LHFPL3: variants seen among roughly 807,000 people sequenced by gnomAD.
LHFPL3 encodes the protein LHFPL tetraspan subfamily member 3.
Under a neutral mutation model 19.3 loss-of-function variants are expected in LHFPL3, and 5 were observed. The ratio of observed to expected loss-of-function variants is 0.26; its 90% confidence interval spans 0.14 to 0.54. The LOEUF (loss-of-function observed/expected upper bound fraction) is 0.54, where lower values mean the gene tolerates loss of function less well. Ranked by LOEUF, LHFPL3 falls within the 20% of genes least tolerant of loss-of-function variation. The pLI is 0.94. For missense variants in LHFPL3, 249 were observed against 307.4 expected (o/e 0.81, Z 1.42); for synonymous variants, 133 against 126.2 (o/e 1.05, Z -0.36).
intron 2 of LHFPL3, among the ~76,000 whole-genome samples, chr7:104,869,778 A>G (rs971970457): frequency 3.3e-5 from 5 of 152,240 alleles, no homozygotes; most frequent in African/African-American, 9.6e-5. Context: ...GCTGCTATAA[A>G]GACACATGCA....
At chr7:104,509,546 A>T (rs1793769759) in intron 1 of LHFPL3, among the ~76,000 whole-genome samples, 1 of 147,974 alleles carries the variant, frequency 6.8e-6, no homozygotes, top group African/African-American at 2.5e-5. Flanking sequence ...TTCATGGTCT[A>T]AAAAAAAAAT....
chr7:104,772,469 C>T (rs1414535329), intron 2 of LHFPL3, among the ~76,000 whole-genome samples: 2 of 152,164 alleles, frequency 1.3e-5, no homozygotes, highest in Non-Finnish European at 2.9e-5. Flanking sequence ...GCTCCGACTG[C>T]CTCCTCCACC....
chr7:104,695,565 G>GA (rs1210381560), intron 1 of LHFPL3, among the ~76,000 whole-genome samples: 4 of 152,184 alleles, frequency 2.6e-5, no homozygotes, highest in Admixed American at 2.6e-4. Flanking sequence ...AAGCTGCTGA[G>GA]ACTAAAAAAC....
In LHFPL3 at chr7:104,329,302, G is replaced by A. The variant is rs530126685; in HGVS notation, c.445+78G>A. Reference sequence around the variant, plus strand: ...GGGGAGGGGCCAGAGTGGGAGGGACGGGGGCTGTGCGCGCCGCTGCGAGCC... The same window carrying A: ...GGGGAGGGGCCAGAGTGGGAGGGACAGGGGCTGTGCGCGCCGCTGCGAGCC... On this transcript the variant is annotated intron_variant, in intron 1 of 2. Transcript: ENST00000424859. 221 of 1,488,832 alleles carry A rather than the reference G, an allele frequency of 1.5e-4. 2 individuals are homozygous for A. The African/African-American group carries it at 2.7e-3, about 18-fold the overall frequency. The allele number at this position is 1,488,832 out of a possible 1,614,324, so 92.2% of individuals were successfully genotyped here. A position where few individuals can be genotyped will look rare whatever the true frequency, so the allele number is the denominator to read the frequency against.
intron 1 of LHFPL3, among the ~76,000 whole-genome samples, chr7:104,526,065 A>G (rs564709913): frequency 1.9e-4 from 29 of 152,170 alleles, no homozygotes; most frequent in African/African-American, 6.5e-4. Flanking sequence ...CCCAGAGTCT[A>G]TTTATCAATT....
intron 1 of LHFPL3, among the ~76,000 whole-genome samples, chr7:104,542,280 C>G (rs1794500294): frequency 6.6e-6 from 1 of 151,974 alleles, no homozygotes; most frequent in Non-Finnish European, 1.5e-5. Context: ...CCTTATTTAA[C>G]TTTGACTTTG....
At chr7:104,645,881 C>T (rs560425116) in intron 1 of LHFPL3, among the ~76,000 whole-genome samples, 21 of 152,016 alleles carry the variant, frequency 1.4e-4, no homozygotes, top group Middle Eastern at 3.4e-3. Context: ...AGGATGGTCT[C>T]GATCTTCTGA....
chr7:104,535,916 C>T (rs1248170867), intron 1 of LHFPL3, among the ~76,000 whole-genome samples: 2 of 152,214 alleles, frequency 1.3e-5, no homozygotes, highest in East Asian at 3.9e-4. Context: ...GTGCCATCGG[C>T]ACATACCTCA....
intron 1 of LHFPL3, among the ~76,000 whole-genome samples, chr7:104,356,050 G>A (rs1790267716): frequency 6.6e-6 from 1 of 152,202 alleles, no homozygotes; most frequent in African/African-American, 2.4e-5. Context: ...AGACAATGTG[G>A]AAGATTGTAG....
intron 1 of LHFPL3, among the ~76,000 whole-genome samples, chr7:104,557,631 A>C (rs1016643229): frequency 6.6e-6 from 1 of 152,140 alleles, no homozygotes; most frequent in Admixed American, 6.5e-5. Context: ...GGAAGAATAC[A>C]GCAAGGAGAC....
chr7:104,637,740 G>A (rs1791754606), intron 1 of LHFPL3, among the ~76,000 whole-genome samples: 1 of 150,040 alleles, frequency 6.7e-6, no homozygotes, highest in African/African-American at 2.5e-5. Flanking sequence ...ATTGGTCTAT[G>A]TGTCTGTTTT....
At chr7:104,741,535 AT>A (rs1212094988) in intron 2 of LHFPL3, among the ~76,000 whole-genome samples, 5,402 of 141,458 alleles carry the variant, frequency 0.038, 180 homozygotes, top group African/African-American at 0.089. Context: ...AACTAACTTA[AT>A]TTTTTTTTTT....
At chr7:104,396,341 A>G (rs1340223790) in intron 1 of LHFPL3, among the ~76,000 whole-genome samples, 2 of 152,292 alleles carry the variant, frequency 1.3e-5, no homozygotes, top group African/African-American at 4.8e-5. Context: ...GCAAAAAAGG[A>G]CACAAAATAG....
intron 1 of LHFPL3, among the ~76,000 whole-genome samples, chr7:104,472,176 CAA>C (rs36086761): frequency 3.0e-5 from 4 of 134,488 alleles, no homozygotes; most frequent in South Asian, 2.6e-4. Flanking sequence ...GACCCTATCT[CAA>C]AAAAAAAAAA....
At chr7:104,423,455 T>TC (rs1177544278) in intron 1 of LHFPL3, among the ~76,000 whole-genome samples, 1 of 151,856 alleles carries the variant, frequency 6.6e-6, no homozygotes, top group Admixed American at 6.6e-5. Flanking sequence ...TCTAGAAAAA[T>TC]TAAAAAAAAT....
chr7:104,692,585 C>T (rs1171863713), intron 1 of LHFPL3, among the ~76,000 whole-genome samples: 1 of 152,242 alleles, frequency 6.6e-6, no homozygotes, highest in Admixed American at 6.5e-5. Context: ...CCAGCTGTGG[C>T]TAAAAAGGGC....
In LHFPL3 at chr7:104,689,549, A is replaced by G. The variant is rs79457644; in HGVS notation, c.446-47126A>G. On this transcript the variant is annotated intron_variant, in intron 1 of 2. Transcript: ENST00000424859. Reference sequence around the variant, plus strand: ...TACAGACCCAGAACCCCTTGAATGGAGGGGACACTGGGTCCCCTTAAGGAG... The same window carrying G: ...TACAGACCCAGAACCCCTTGAATGGGGGGGACACTGGGTCCCCTTAAGGAG... 4.2e-3 allele frequency among the ~76,000 whole-genome samples: 644 copies of G among 152,290 alleles called. 25 individuals are homozygous for G. In the East Asian group the frequency reaches 0.091, roughly 21 times the overall value.
intron 1 of LHFPL3, among the ~76,000 whole-genome samples, chr7:104,385,389 CTGAT>C (rs200454789): frequency 0.41 from 62,267 of 151,598 alleles, 13,074 homozygotes; most frequent in Admixed American, 0.53. Flanking sequence ...ATATGGCATT[CTGAT>C]TGATATCTGA....
chr7:104,536,578 A>G (rs899706172), intron 1 of LHFPL3, among the ~76,000 whole-genome samples: 5 of 152,230 alleles, frequency 3.3e-5, no homozygotes, highest in Non-Finnish European at 7.3e-5. Context: ...GGAAGAACCT[A>G]TCGATCTAAT....
Sources: allele counts gnomAD v4.1 joint callset (sites outside exome capture counted in the v4.1 genomes callset), GRCh38; gene constraint gnomAD v4.1.1; transcripts MANE v1.5; gene names NCBI Gene and HGNC (gene_info 2026-07-23, HGNC 2026-07-21).